CLEC4G: variants seen among roughly 807,000 people sequenced by gnomAD.
CLEC4G encodes C-type lectin superfamily 4, member G.
Under a neutral mutation model 37.0 loss-of-function variants are expected in CLEC4G, and 34 were observed. The ratio of observed to expected loss-of-function variants is 0.92; its 90% CI spans 0.70 to 1.22. The LOEUF (loss-of-function observed/expected upper bound fraction) is 1.22. CLEC4G is among the 50% of genes most tolerant of loss of function. The pLI is 0.00. For missense variants in CLEC4G, 390 were observed against 392.9 expected (o/e 0.99, Z 0.06); for synonymous variants, 167 against 165.6 (o/e 1.01, Z -0.06).
Position 7,731,063 on chromosome 19 carries a change from A to G in CLEC4G, c.246T>C (p.Gly82=), listed in dbSNP as rs2033424163. ...TNASKQTAAL[G]ALKEEVGDCH... is the part of the protein sequence containing the mutation. Reference sequence around the variant, plus strand: ...AGTCTCCGACCTCCTCCTTCAGGGCACCCAGCGCCGCCGTCTGCTTCGAGG... The same window carrying G: ...AGTCTCCGACCTCCTCCTTCAGGGCGCCCAGCGCCGCCGTCTGCTTCGAGG... Residue 82 remains glycine, a synonymous_variant, in exon 4 of 9, where the codon GGT becomes GGC. Coordinates refer to ENST00000328853, the MANE Select transcript of CLEC4G (RefSeq NM_198492.4). The G allele has an allele frequency of 2.2e-5, 36 of 1,604,916 alleles. No homozygotes were observed. Among genetic ancestry groups the G allele is most frequent in the Non-Finnish European group, 3.1e-5 (36 of 1,179,528 alleles).
In CLEC4G at chr19:7,729,917, G is replaced by C; in HGVS notation, c.647C>G (p.Thr216Arg). The change falls in exon 8 of 9, where the codon ACG (threonine) becomes AGG (arginine). Residue 216 changes from threonine to arginine, a missense_variant. Coordinates refer to ENST00000328853, the MANE Select transcript of CLEC4G (RefSeq NM_198492.4). The part of the protein sequence containing the change: ...LDEQGFLTRN[T>R]RGRGYWLGLR... ...GCCCAGCCAGTAACCACGGCCACGC[G>C]TGTTCCGAGTGAGGAAGCCCTAGAA... 6.2e-7 allele frequency: 1 copy of C among 1,614,138 alleles called. No individual in the cohort carries two copies. Among genetic ancestry groups the C allele is most frequent in the Non-Finnish European group, 8.5e-7 (1 of 1,180,018 alleles).
At position 7,730,891 on chromosome 19, in the gene CLEC4G, G is replaced by A. The variant is rs1275171922; in HGVS notation, c.284-32C>T. The A allele has an allele frequency of 2.6e-6, 4 of 1,524,586 alleles. No homozygotes were observed. Among genetic ancestry groups the A allele is most frequent in the East Asian group, 2.5e-5 (1 of 40,062 alleles). The allele number at this position is 1,524,586 out of a possible 1,614,324, so 94.4% of individuals were successfully genotyped here. A position where few individuals can be genotyped will look rare whatever the true frequency, so the allele number is the denominator to read the frequency against. On this transcript the variant is annotated intron_variant, in intron 4 of 8. Transcript: ENST00000328853. This position sits in a 1 kb window ranked among gnomAD's most constrained non-coding sequence, Gnocchi z 7.3. ...GCCGCAGGGTGAGAGGGGCGAGGGCGGCGAGGATGGGGCGGGACTTCGGAG... is the reference window on the plus strand; with the variant it reads ...GCCGCAGGGTGAGAGGGGCGAGGGCAGCGAGGATGGGGCGGGACTTCGGAG...
intron 8 of CLEC4G, 112 bp from the exon 9 acceptor site, chr19:7,729,616 C>A: frequency 8.4e-7 from 1 of 1,189,432 alleles, no homozygotes; most frequent in Non-Finnish European, 1.2e-6. Flanking sequence ...CTACTCTAGA[C>A]ACCCCAACTG....
chr19:7,731,241 C>T, intron 3 of CLEC4G, 25 bp downstream of exon 3: 7 of 1,581,988 alleles, frequency 4.4e-6, no homozygotes, highest in South Asian at 1.1e-5. Flanking sequence ...GCCCCGGGGG[C>T]CCAGGCGCCC....
In CLEC4G at chr19:7,731,035, G is replaced by T; in HGVS notation, c.274C>A (p.His92Asn). 2 of 1,603,564 alleles carry T rather than the reference G, an allele frequency of 1.2e-6. No homozygotes were observed. The change falls in exon 4 of 9, where the codon CAC becomes AAC. Residue 92 changes from histidine (H) to asparagine (N), a missense_variant. Transcript: ENST00000328853. ...GALKEEVGDCHSCCSGTQAQL... is the reference protein window; with the variant it reads ...GALKEEVGDCNSCCSGTQAQL... ...GACCGCGCCCCCTCACAGCAGCTGT[G>T]GCAGTCTCCGACCTCCTCCTTCAGG... is the stretch of plus-strand genomic sequence containing the variant.
Position 7,730,200 on chromosome 19 carries a change from G to A in CLEC4G, c.479-33C>T. 6.2e-7 allele frequency: 1 copy of A among 1,603,976 alleles called. No individual in the cohort carries two copies. Among genetic ancestry groups the A allele is most frequent in the East Asian group, 2.2e-5 (1 of 44,570 alleles). On this transcript the variant is annotated intron_variant, in intron 6 of 8. Coordinates refer to ENST00000328853, the MANE Select transcript of CLEC4G (RefSeq NM_198492.4). This position sits in a 1 kb window ranked among gnomAD's most constrained non-coding sequence, Gnocchi z 7.3. Reference sequence around the variant, plus strand: ...GTGGCGAGGGTCAGAGAGGTCGCGTGCTTCCAGGGGCAACGCACCGAGAGG... The same window carrying A: ...GTGGCGAGGGTCAGAGAGGTCGCGTACTTCCAGGGGCAACGCACCGAGAGG...
intron 2 of CLEC4G, 87 bp from the exon 3 acceptor site, chr19:7,731,406 C>T: frequency 6.6e-7 from 1 of 1,516,272 alleles, no homozygotes; most frequent in South Asian, 1.2e-5. Flanking sequence ...AACTCGGGAG[C>T]ACGGAGCGGG....
At position 7,730,274 on chromosome 19, in the gene CLEC4G, GA is replaced by G. The variant is rs2033407983; in HGVS notation, c.478+76del. 2 of 1,573,120 alleles carry G rather than the reference GA, an allele frequency of 1.3e-6. No individual in the cohort carries two copies. The highest frequency in any genetic ancestry group is 1.7e-6 in the Non-Finnish European group (2 of 1,162,838). On this transcript the variant is annotated intron_variant, in intron 6 of 8. Transcript: ENST00000328853. This position sits in a 1 kb window ranked among gnomAD's most constrained non-coding sequence, Gnocchi z 7.3. ...CCGCGGGCTCAGGGGTGGAGACACAGAACCAGGCCAAGGTCCAGGAGTGACA... is the reference window on the plus strand; with the variant it reads ...CCGCGGGCTCAGGGGTGGAGACACAGACCAGGCCAAGGTCCAGGAGTGACA...
Position 7,730,770 on chromosome 19 carries a change from C to T in CLEC4G, c.373G>A (p.Glu125Lys), listed in dbSNP as rs916943445. The T allele has an allele frequency of 2.0e-6, 3 of 1,532,164 alleles. No homozygotes were observed. Among genetic ancestry groups the T allele is most frequent in the East Asian group, 2.5e-5 (1 of 40,682 alleles). 94.9% of individuals were successfully genotyped at this position (1,532,164 alleles called of 1,614,324 possible). A position where few individuals can be genotyped will look rare whatever the true frequency, so the allele number is the denominator to read the frequency against. ...KLMEQESALR[E>K]LRERVTQGLA... ...GGGCCCTCACCGCGCTCACGCAGTT[C>T]CCGCAGGGCGCTCTCCTGCTCCATC... The change falls in exon 5 of 9, where the codon GAA (glutamate) becomes AAA (lysine). Residue 125 changes from glutamate (E) to lysine (K), a missense_variant. Transcript: ENST00000328853. This position sits in a 1 kb window ranked among gnomAD's most constrained non-coding sequence, Gnocchi z 7.3.
chr19:7,731,968 G>C (rs2033439988), intron 1 of CLEC4G, 80 bp downstream of exon 1: 2 of 1,462,578 alleles, frequency 1.4e-6, no homozygotes, highest in Non-Finnish European at 9.6e-7. Context: ...CACAACCCTG[G>C]CCTGTCTCGA....
chr19:7,730,412 C>A lies in CLEC4G; in HGVS notation c.417G>T (p.Arg139Ser). The stretch of plus-strand genomic sequence containing the variant: ...GCTCAGTGCGGACGTCCTCACGGCC[C>A]CTGCCGGCTTCAGCCAAGCCCTGGG... Reference protein sequence around the residue: ...RVTQGLAEAGRGREDVRTELF... With the variant: ...RVTQGLAEAGSGREDVRTELF... Residue 139 changes from arginine to serine, a missense_variant, in exon 6 of 9, where the codon AGG becomes AGT. Arg to Ser is a moderately radical substitution (Grantham distance 110). Coordinates refer to ENST00000328853, the MANE Select transcript of CLEC4G (RefSeq NM_198492.4). The surrounding 1 kb of genome is among the most constrained non-coding windows in gnomAD (Gnocchi z 7.3). 6.2e-7 allele frequency: 1 copy of A among 1,602,038 alleles called. No individual in the cohort carries two copies. Among genetic ancestry groups the A allele is most frequent in the Admixed American group, 1.7e-5 (1 of 59,998 alleles).
intron 2 of CLEC4G, 56 bp downstream of exon 2, chr19:7,731,605 G>C (rs902737471): frequency 1.3e-6 from 2 of 1,593,646 alleles, no homozygotes; most frequent in African/African-American, 2.7e-5. Context: ...ATGCAGTGGG[G>C]GTTTTCTGTC....
Position 7,730,245 on chromosome 19 carries a change from G to A in CLEC4G, c.479-78C>T. On this transcript the variant is annotated intron_variant, in intron 6 of 8. Coordinates refer to ENST00000328853, the MANE Select transcript of CLEC4G (RefSeq NM_198492.4). The surrounding 1 kb of genome is among the most constrained non-coding windows in gnomAD (Gnocchi z 7.3). Reference sequence around the variant, plus strand: ...GAGAGGATGCAGTGGGTAGGGGTTCGGCCCCGCGGGCTCAGGGGTGGAGAC... The same window carrying A: ...GAGAGGATGCAGTGGGTAGGGGTTCAGCCCCGCGGGCTCAGGGGTGGAGAC... 1 of 1,576,420 alleles carries A rather than the reference G, an allele frequency of 6.3e-7. No homozygotes were observed. The highest frequency in any genetic ancestry group is 1.3e-5 in the African/African-American group (1 of 74,132).
Position 7,731,408 on chromosome 19 carries a change from C to T in CLEC4G, c.167-89G>A, listed in dbSNP as rs1186854421. Reference sequence around the variant, plus strand: ...TGCAGCGTCCCCCAACTCGGGAGCACGGAGCGGGCGGGCAGGCATACAGCT... The same window carrying T: ...TGCAGCGTCCCCCAACTCGGGAGCATGGAGCGGGCGGGCAGGCATACAGCT... On this transcript the variant is annotated intron_variant, in intron 2 of 8. Coordinates refer to ENST00000328853, the MANE Select transcript of CLEC4G (RefSeq NM_198492.4). The T allele has an allele frequency of 9.9e-6, 15 of 1,511,558 alleles. No individual in the cohort carries two copies. The East Asian group carries it at 3.2e-4, about 32-fold the overall frequency. 93.6% of individuals were successfully genotyped at this position (1,511,558 alleles called of 1,614,324 possible).
In CLEC4G at chr19:7,730,604, T is replaced by C. The variant is rs1386505958; in HGVS notation, c.388+151A>G. On this transcript the variant is annotated intron_variant, in intron 5 of 8. Coordinates refer to ENST00000328853, the MANE Select transcript of CLEC4G (RefSeq NM_198492.4). This position sits in a 1 kb window ranked among gnomAD's most constrained non-coding sequence, Gnocchi z 7.3. ...GTTACAACTGGGCAGGGTCCGGGTG[T>C]GGCCGGCGCTAGGAGTGGCAGTCAA... 2 of 1,442,972 alleles carry C rather than the reference T, an allele frequency of 1.4e-6. No individual in the cohort carries two copies. Among genetic ancestry groups the C allele is most frequent in the African/African-American group, 2.9e-5 (2 of 70,130 alleles). 89.4% of individuals were successfully genotyped at this position (1,442,972 alleles called of 1,614,324 possible).
Position 7,732,073 on chromosome 19 carries a change from G to A in CLEC4G, c.30C>T (p.Gly10=), listed in dbSNP as rs367931064. The part of the protein sequence containing the change: MDTTRYSKW[G]GSSEEVPGGP... ...CTCCGGGGACCTCCTCGGAGCTGCC[G>A]CCCCACTTGCTGTACCTGGTGGTGT... Residue 10 remains glycine (G), a synonymous_variant, in exon 1 of 9, where the codon GGC becomes GGT. Coordinates refer to ENST00000328853, the MANE Select transcript of CLEC4G (RefSeq NM_198492.4). 2.0e-5 allele frequency: 32 copies of A among 1,609,822 alleles called. No homozygotes were observed. The highest frequency in any genetic ancestry group is 1.9e-4 in the African/African-American group (14 of 74,804).
rs117034642 is a variant in CLEC4G, at chr19:7,731,701, T to G, written c.126A>C (p.Thr42=). Residue 42 remains threonine, a synonymous_variant, in exon 2 of 9, where the codon ACA becomes ACC. Coordinates refer to ENST00000328853, the MANE Select transcript of CLEC4G (RefSeq NM_198492.4). ...TACTCAGAATCACAGCCCAAAGGAC[T>G]GTGGTGACCAGGACAGCCAGGGCCA... ...LFLALAVLVT[T]VLWAVILSIL... The G allele has an allele frequency of 0.065, 104,665 of 1,614,028 alleles. 3,843 individuals are homozygous for G. Among genetic ancestry groups the G allele is most frequent in the Non-Finnish European group, 0.074 (87,343 of 1,179,958 alleles).
At position 7,730,914 on chromosome 19, in the gene CLEC4G, G is replaced by C; in HGVS notation, c.284-55C>G. On this transcript the variant is annotated intron_variant, in intron 4 of 8. Transcript: ENST00000328853. This position sits in a 1 kb window ranked among gnomAD's most constrained non-coding sequence, Gnocchi z 7.3. ...GCGGCGAGGATGGGGCGGGACTTCG[G>C]AGACCAGCCCCCGCCCCGCACCACC... 1.3e-6 allele frequency: 2 copies of C among 1,517,560 alleles called. No individual in the cohort carries two copies. The highest frequency in any genetic ancestry group is 1.8e-6 in the Non-Finnish European group (2 of 1,138,184). 94.0% of individuals were successfully genotyped at this position (1,517,560 alleles called of 1,614,324 possible). A position where few individuals can be genotyped will look rare whatever the true frequency, so the allele number is the denominator to read the frequency against.
rs372519828 is a variant in CLEC4G, at chr19:7,731,291, G to T, written c.195C>A (p.Asp65Glu). The change falls in exon 3 of 9, where the codon GAC (aspartate) becomes GAA (glutamate). Residue 65 changes from aspartate to glutamate, a missense_variant. Physicochemically the swap from Asp to Glu is conservative, Grantham distance 45. Transcript: ENST00000328853. ...CGTTTGTCCTCAGCAGGTCGTGGCCGTCAAGCAGCGCCGCGCGCTCCGTGG... is the reference window on the plus strand; with the variant it reads ...CGTTTGTCCTCAGCAGGTCGTGGCCTTCAAGCAGCGCCGCGCGCTCCGTGG... ...KASTERAALL[D>E]GHDLLRTNAS... is the part of the protein sequence containing the mutation. The T allele has an allele frequency of 3.2e-6, 5 of 1,587,108 alleles. No individual in the cohort carries two copies. The highest frequency in any genetic ancestry group is 1.1e-5 in the South Asian group (1 of 87,954).
Sources: gnomAD v4.1 joint callset for allele counts on GRCh38, gnomAD v4.1.1 for gene constraint, Gnocchi (gnomAD v3.1) non-coding constraint, MANE v1.5 for transcripts, NCBI Gene and HGNC (gene_info 2026-07-23, HGNC 2026-07-21) for gene names.